DENND2A: variants seen among roughly 807,000 people sequenced by gnomAD.
DENND2A encodes the protein DENN domain-containing protein 2A.
DENND2A carries 53 observed loss-of-function variants against 105.3 expected under a neutral mutation model. The ratio of observed to expected loss-of-function variants is 0.50; its 90% CI spans 0.40 to 0.63. The LOEUF (loss-of-function observed/expected upper bound fraction) is 0.63. DENND2A is among the 30% of genes least tolerant of loss of function. DENND2A has a pLI of 0.00. For synonymous variants in DENND2A, 522 were observed against 508.4 expected (o/e 1.03, Z -0.36); for missense variants, 1,138 against 1,279.6 (o/e 0.89, Z 1.69).
chr7:140,599,086 C>T (rs1799387698), intron 3 of DENND2A, among the ~76,000 whole-genome samples: 1 of 152,008 alleles, frequency 6.6e-6, no homozygotes, highest in African/African-American at 2.4e-5. Context: ...CCTGTAATCC[C>T]AGCAGTTTGG....
rs10653353 is a variant in DENND2A at position 140,537,657 on chromosome 7, A to ATTTGTTTGTTTG, written c.2327+6949_2327+6960dup. ...TTTGTCCCCTATTAAGGTGTTTTTCATTTGTTTGTTTGTTTGTTTGTTTGT... is the reference window on the plus strand; with the variant it reads ...TTTGTCCCCTATTAAGGTGTTTTTCATTTGTTTGTTTGTTTGTTTGTTTGTTTGTTTGTTTGT... On this transcript the variant is annotated intron_variant, in intron 14 of 19. Coordinates refer to ENST00000496613, the MANE Select transcript of DENND2A (RefSeq NM_015689.5). Among the ~76,000 whole-genome samples, 115 of 151,704 alleles carry ATTTGTTTGTTTG rather than the reference A, an allele frequency of 7.6e-4. 1 individual carries two copies. Among genetic ancestry groups the ATTTGTTTGTTTG allele is most frequent in the African/African-American group, 2.6e-3 (107 of 41,228 alleles).
chr7:140,519,785 C>T lies in DENND2A; in HGVS notation c.2912-67G>A, dbSNP rs1341983091. On this transcript the variant is annotated intron_variant, in intron 18 of 19. Transcript: ENST00000496613. The stretch of plus-strand genomic sequence containing the variant: ...TTGCACTTCTAAATGTGTCCATTTC[C>T]TCCCTACCAGAGAAAAGAGAAACCT... 17 of 1,398,842 alleles carry T rather than the reference C, an allele frequency of 1.2e-5. No individual in the cohort carries two copies. In the East Asian group the frequency reaches 3.9e-4, roughly 32 times the overall value. 86.7% of individuals were successfully genotyped at this position (1,398,842 alleles called of 1,614,324 possible).
intron 15 of DENND2A, 105 bp from the exon 16 acceptor site, chr7:140,525,897 G>A (rs931052062): frequency 1.8e-5 from 17 of 919,016 alleles, no homozygotes; most frequent in Non-Finnish European, 2.3e-5. Flanking sequence ...CAGCTGGGGC[G>A]GGGCTGGAGG....
intron 2 of DENND2A, among the ~76,000 whole-genome samples, chr7:140,604,764 T>C (rs756283778): frequency 6.6e-6 from 1 of 152,264 alleles, no homozygotes; most frequent in Non-Finnish European, 1.5e-5. Context: ...ACTTGAATCC[T>C]GAGTTTTTCA....
intron 14 of DENND2A, among the ~76,000 whole-genome samples, chr7:140,534,152 T>C (rs2130490581): frequency 6.7e-6 from 1 of 148,352 alleles, no homozygotes; most frequent in Non-Finnish European, 1.5e-5. Context: ...TGGTGCGATC[T>C]TGGCTCACTG....
intron 14 of DENND2A, among the ~76,000 whole-genome samples, chr7:140,538,248 G>A (rs12703989): frequency 0.36 from 54,418 of 152,026 alleles, 12,185 homozygotes; most frequent in Non-Finnish European, 0.49. Context: ...AGTGCTGCGG[G>A]GGTGGCTACC....
At position 140,567,375 on chromosome 7, in the gene DENND2A, T is replaced by C. The variant is rs534590335; in HGVS notation, c.1592-102A>G. On this transcript the variant is annotated intron_variant, in intron 8 of 19. Transcript: ENST00000496613. ...GTGAGCAAAGAGCCTGAAATGACCATGAGTCCATGTGGAATTGTGCCGAGC... is the reference window on the plus strand; with the variant it reads ...GTGAGCAAAGAGCCTGAAATGACCACGAGTCCATGTGGAATTGTGCCGAGC... 8 of 1,037,642 alleles carry C rather than the reference T, an allele frequency of 7.7e-6. No homozygotes were observed. The East Asian group carries it at 1.1e-4, about 14-fold the overall frequency. 64.3% of individuals were successfully genotyped at this position (1,037,642 alleles called of 1,614,324 possible).
chr7:140,639,477 C>A (rs1801096973), intron 1 of DENND2A, among the ~76,000 whole-genome samples: 1 of 152,302 alleles, frequency 6.6e-6, no homozygotes, highest in African/African-American at 2.4e-5. Context: ...CTCACACATA[C>A]TTCCTCTCGG....
chr7:140,519,049 G>A (rs562726491), intron 19 of DENND2A, among the ~76,000 whole-genome samples: 1 of 152,322 alleles, frequency 6.6e-6, no homozygotes, highest in Non-Finnish European at 1.5e-5. Flanking sequence ...AAAGTGCCCA[G>A]CAATGCTGTG....
chr7:140,611,015 GACC>G (rs1289473780), intron 1 of DENND2A, among the ~76,000 whole-genome samples: 4 of 152,222 alleles, frequency 2.6e-5, no homozygotes, highest in Admixed American at 2.0e-4. Context: ...TGGCCTCTCG[GACC>G]GCTGCTTCTG....
chr7:140,625,450 C>T (rs1563186006), intron 1 of DENND2A, among the ~76,000 whole-genome samples: 1 of 152,048 alleles, frequency 6.6e-6, no homozygotes, highest in African/African-American at 2.4e-5. Context: ...GAGGCTGAGA[C>T]AGGCAGATCA....
rs184946981 is a variant in DENND2A at position 140,601,989 on chromosome 7, G to T, written c.409C>A (p.Pro137Thr). The change falls in exon 3 of 20, where the codon CCT (proline) becomes ACT (threonine). Residue 137 changes from proline (P) to threonine (T), a missense_variant. Pro to Thr is a conservative substitution (Grantham distance 38, BLOSUM62 -1). This residue lies in a region of DENND2A where 511 missense variants were observed against 499.9 expected (regional missense o/e 1.02). Transcript: ENST00000496613. ...GGCTCTCGGCCTCGGCCCCAGCTAG[G>T]ATCCACTTCCCGTTCTGGCTGGCTT... ...DLSQPEREVD[P>T]SWGRGREPRL... 1.2e-6 allele frequency: 2 copies of T among 1,614,228 alleles called. No individual in the cohort carries two copies. The highest frequency in any genetic ancestry group is 2.2e-5 in the South Asian group (2 of 91,092).
At chr7:140,592,077 C>T (rs1334301915) in intron 3 of DENND2A, among the ~76,000 whole-genome samples, 3 of 142,634 alleles carry the variant, frequency 2.1e-5, no homozygotes, top group Non-Finnish European at 4.6e-5. Flanking sequence ...TCGCTCTTGA[C>T]GCCCAGGCTC....
At chr7:140,550,337 C>T (rs530325847) in intron 12 of DENND2A, among the ~76,000 whole-genome samples, 8 of 151,314 alleles carry the variant, frequency 5.3e-5, no homozygotes, top group East Asian at 1.9e-4. Context: ...GGATTACGGA[C>T]GCCCACCACC....
intron 14 of DENND2A, chr7:140,544,282 C>T (rs958111262): frequency 4.1e-5 from 17 of 416,704 alleles, no homozygotes; most frequent in African/African-American, 3.2e-4. Context: ...GCAATGTCCA[C>T]CTCCCAGGTT....
intron 5 of DENND2A, among the ~76,000 whole-genome samples, chr7:140,583,114 A>AC (rs1359058016): frequency 6.6e-6 from 1 of 151,060 alleles, no homozygotes; most frequent in Non-Finnish European, 1.5e-5. Context: ...ACACGGTGAA[A>AC]CCCCATCTCT....
Position 140,544,783 on chromosome 7 carries a change from G to A in DENND2A, c.2179-17C>T. ...TTCGATCACCTGCCAGGGAACAGGA[G>A]CAGCCATGAAGGAGGGGCCCAGCTA... is the stretch of plus-strand genomic sequence containing the variant. On this transcript the variant is annotated splice_polypyrimidine_tract_variant and intron_variant, in intron 13 of 19. Coordinates refer to ENST00000496613, the MANE Select transcript of DENND2A (RefSeq NM_015689.5). 1 of 1,560,706 alleles carries A rather than the reference G, an allele frequency of 6.4e-7. No homozygotes were observed. Among genetic ancestry groups the A allele is most frequent in the South Asian group, 1.2e-5 (1 of 85,058 alleles).
At chr7:140,626,538 C>G (rs1800539721) in intron 1 of DENND2A, among the ~76,000 whole-genome samples, 1 of 152,202 alleles carries the variant, frequency 6.6e-6, no homozygotes, top group South Asian at 2.1e-4. Flanking sequence ...TGGAATGCAC[C>G]CGTAGGTCAC....
chr7:140,546,848 A>G lies in DENND2A; in HGVS notation c.2129T>C (p.Leu710Pro). 6.2e-7 allele frequency: 1 copy of G among 1,614,192 alleles called. No homozygotes were observed. The highest frequency in any genetic ancestry group is 8.5e-7 in the Non-Finnish European group (1 of 1,180,006). The change falls in exon 13 of 20, where the codon CTG (leucine) becomes CCG (proline). Residue 710 changes from leucine to proline, a missense_variant. By Grantham distance (98) the Leu-to-Pro change is moderately conservative (BLOSUM62 -3). This residue lies in a region of DENND2A where 627 missense variants were observed against 779.8 expected (regional missense o/e 0.80). Transcript: ENST00000496613. The part of the protein sequence containing the change: ...RSVMEAPFPA[L>P]GKTILVKNFL... ...GTTCTTGACAAGGATGGTTTTGCCC[A>G]GGGCTGGGAAAGGGGCTTCCATGAC...
Sources: allele counts gnomAD v4.1 joint callset (sites outside exome capture counted in the v4.1 genomes callset), GRCh38; gene constraint gnomAD v4.1.1; regional missense constraint gnomAD v4.1.1; transcripts MANE v1.5; gene names NCBI Gene and HGNC (gene_info 2026-07-23, HGNC 2026-07-21).